The following SOX5 variants were observed in gnomAD, a reference collection of about 807,000 sequenced individuals.
SOX5 encodes SRY-box transcription factor 5.
In SOX5, 9 loss-of-function variants were observed where a neutral mutation model predicts 92.0. The ratio of observed to expected loss-of-function variants is 0.10; its 90% CI spans 0.06 to 0.17. The LOEUF (loss-of-function observed/expected upper bound fraction) is 0.17, where lower values mean the gene tolerates loss of function less well. Among genes scored for constraint, SOX5 ranks in the 10% least tolerant of loss-of-function variants. The pLI is 1.00. For missense variants in SOX5, 642 were observed against 944.5 expected (o/e 0.68, Z 4.20); for synonymous variants, 344 against 336.3 (o/e 1.02, Z -0.25).
At chr12:23,756,507 A>G (rs2094385441) in intron 3 of SOX5, among the ~76,000 whole-genome samples, 1 of 152,078 alleles carries the variant, frequency 6.6e-6, no homozygotes, top group East Asian at 1.9e-4. Flanking sequence ...ATAAATGCCA[A>G]TAAAAACTCC....
intron 2 of SOX5, among the ~76,000 whole-genome samples, chr12:24,316,583 A>G (rs981180073): frequency 2.0e-5 from 3 of 152,158 alleles, no homozygotes; most frequent in Non-Finnish European, 4.4e-5. Context: ...GGAAGAAGAA[A>G]ATCCGCAGAA....
intron 1 of SOX5, among the ~76,000 whole-genome samples, chr12:24,527,623 T>G (rs1203391605): frequency 6.6e-6 from 1 of 152,206 alleles, no homozygotes; most frequent in Non-Finnish European, 1.5e-5. Flanking sequence ...TAAATTTATT[T>G]TTGTCTCCTA....
intron 4 of SOX5, among the ~76,000 whole-genome samples, chr12:24,209,935 A>G (rs6487378): frequency 0.99 from 142,528 of 144,684 alleles, 70,216 homozygotes; most frequent in Middle Eastern, 1. Context: ...GGAGAATGGC[A>G]TGAACCCGGG....
chr12:23,930,124 G>A (rs562215746), intron 1 of SOX5, among the ~76,000 whole-genome samples: 11 of 151,920 alleles, frequency 7.2e-5, no homozygotes, highest in South Asian at 2.1e-4. Flanking sequence ...ATGTAACTGC[G>A]TTACTGAGTC....
intron 10 of SOX5, among the ~76,000 whole-genome samples, chr12:23,574,297 G>T (rs1948798808): frequency 6.6e-6 from 1 of 152,008 alleles, no homozygotes; most frequent in South Asian, 2.1e-4. Flanking sequence ...TTACCGATGA[G>T]GCTCGTATTT....
chr12:23,679,400 C>T lies in SOX5; in HGVS notation c.811-13836G>A, dbSNP rs77432816. Among the ~76,000 whole-genome samples, 6 of 152,196 alleles carry T rather than the reference C, an allele frequency of 3.9e-5. No homozygotes were observed. The South Asian group carries it at 1.2e-3, about 32-fold the overall frequency. On this transcript the variant is annotated intron_variant, in intron 6 of 14. Coordinates refer to ENST00000451604, the MANE Select transcript of SOX5 (RefSeq NM_006940.6). ...AATACCACTGACGCTGCTGCTGCTG[C>T]TGATGATGATGATTCTTTGACAAAT...
rs923377652 is a variant in SOX5, at chr12:23,965,013, C to T, written c.-1-68989G>A. Among the ~76,000 whole-genome samples, 4 of 152,112 alleles carry T rather than the reference C, an allele frequency of 2.6e-5. No homozygotes were observed. In the South Asian group the frequency reaches 8.3e-4, roughly 31 times the overall value. ...AGCGCACAGGGGCGCGTGGTCAGCTCCCAGCAGCCCCCAGGGGGCGCGTGG... is the reference window on the plus strand; with the variant it reads ...AGCGCACAGGGGCGCGTGGTCAGCTTCCAGCAGCCCCCAGGGGGCGCGTGG... On this transcript the variant is annotated intron_variant, in intron 4 of 4. Coordinates refer to the SOX5 transcript ENST00000446891.
intron 2 of SOX5, among the ~76,000 whole-genome samples, chr12:24,366,103 T>A (rs536541797): frequency 6.6e-6 from 1 of 152,274 alleles, no homozygotes; most frequent in South Asian, 2.1e-4. Flanking sequence ...CTATTCGAAT[T>A]TCTTATCCTA....
At chr12:24,027,690 G>A (rs1002891701) in intron 4 of SOX5, among the ~76,000 whole-genome samples, 1 of 151,868 alleles carries the variant, frequency 6.6e-6, no homozygotes, top group Admixed American at 6.6e-5. Context: ...AAGATGGTAA[G>A]TTTGAAGACC....
chr12:24,105,284 T>C (rs565163518), intron 4 of SOX5, among the ~76,000 whole-genome samples: 1 of 152,222 alleles, frequency 6.6e-6, no homozygotes, highest in East Asian at 1.9e-4. Flanking sequence ...CTCACGCCTG[T>C]AATCCCAGCA....
chr12:24,184,943 AT>A (rs1955865835), intron 4 of SOX5, among the ~76,000 whole-genome samples: 1 of 152,126 alleles, frequency 6.6e-6, no homozygotes, highest in African/African-American at 2.4e-5. Context: ...CTCTATAATG[AT>A]TTTTTAATTC....
intron 2 of SOX5, among the ~76,000 whole-genome samples, chr12:24,342,029 C>T (rs992658996): frequency 1.3e-5 from 2 of 152,200 alleles, no homozygotes; most frequent in African/African-American, 2.4e-5. Context: ...GATTGACCCT[C>T]GTGGACACAC....
intron 8 of SOX5, among the ~76,000 whole-genome samples, chr12:23,628,758 C>T (rs1206610531): frequency 6.6e-6 from 1 of 151,518 alleles, no homozygotes; most frequent in East Asian, 1.9e-4. Context: ...CTGAAACTTC[C>T]ACAGGAAACA....
At chr12:23,836,651 T>C (rs2096418686) in intron 3 of SOX5, among the ~76,000 whole-genome samples, 2 of 151,900 alleles carry the variant, frequency 1.3e-5, no homozygotes, top group South Asian at 4.1e-4. Flanking sequence ...TCGGAAATAA[T>C]ATGGACTTTC....
intron 1 of SOX5, among the ~76,000 whole-genome samples, chr12:24,474,701 A>C (rs759248791): frequency 6.6e-6 from 1 of 150,752 alleles, no homozygotes; most frequent in East Asian, 2.0e-4. Flanking sequence ...ACGCCCAGCT[A>C]ATTTTTGTAT....
At chr12:24,300,762 C>T (rs967881751) in intron 2 of SOX5, among the ~76,000 whole-genome samples, 6 of 152,182 alleles carry the variant, frequency 3.9e-5, no homozygotes, top group South Asian at 2.1e-4. Context: ...ATAGTCTACA[C>T]GTCACCACAA....
At chr12:23,876,137 A>G (rs7303295) in intron 2 of SOX5, among the ~76,000 whole-genome samples, 50,178 of 152,028 alleles carry the variant, frequency 0.33, 9,108 homozygotes, top group Non-Finnish European at 0.43. Flanking sequence ...GGCATGGTCT[A>G]TTAAAAGTAT....
chr12:24,121,300 G>A (rs1185378565), intron 4 of SOX5, among the ~76,000 whole-genome samples: 1 of 152,120 alleles, frequency 6.6e-6, no homozygotes, highest in Non-Finnish European at 1.5e-5. Flanking sequence ...AAACTATGCA[G>A]GGATTTTAAA....
intron 1 of SOX5, among the ~76,000 whole-genome samples, chr12:24,391,318 T>G (rs1218431139): frequency 6.6e-6 from 1 of 152,150 alleles, no homozygotes; most frequent in Non-Finnish European, 1.5e-5. Flanking sequence ...TTTTATCTCA[T>G]TATGTTTTGA....
Sources: allele counts gnomAD v4.1 joint callset (sites outside exome capture counted in the v4.1 genomes callset), GRCh38; gene constraint gnomAD v4.1.1; transcripts MANE v1.5; gene names NCBI Gene and HGNC (gene_info 2026-07-23, HGNC 2026-07-21).